Variants in LPP observed in about 807,000 individuals in gnomAD.
LPP encodes the protein LIM domain containing preferred translocation partner in lipoma.
LPP carries 38 observed loss-of-function variants against 60.4 expected under a neutral mutation model. That is an observed-to-expected ratio of 0.63 (90% CI 0.49 to 0.83). The LOEUF (loss-of-function observed/expected upper bound fraction) is 0.83, where lower values mean the gene tolerates loss of function less well. Ranked by LOEUF, LPP falls within the 40% of genes least tolerant of loss-of-function variation. The probability of loss-of-function intolerance (pLI) is 0.00; values close to 1 mark genes in which losing one functional copy is unlikely to be tolerated. For synonymous variants in LPP, 328 were observed against 290.8 expected (o/e 1.13, Z -1.30); for missense variants, 902 against 783.6 (o/e 1.15, Z -1.80).
intron 4 of LPP, among the ~76,000 whole-genome samples, chr3:188,448,616 A>G (rs1248234996): frequency 6.6e-6 from 1 of 152,156 alleles, no homozygotes; most frequent in Admixed American, 6.5e-5. Context: ...AGTTTTGCCT[A>G]GGACGTTCAG....
At chr3:188,785,693 G>A (rs148851435) in intron 9 of LPP, among the ~76,000 whole-genome samples, 6 of 151,332 alleles carry the variant, frequency 4.0e-5, no homozygotes, top group Non-Finnish European at 8.8e-5. Context: ...TATCTTTTTC[G>A]TATGACTTCT....
rs746549609 is a variant in LPP at position 188,881,825 on chromosome 3, T to A, written c.*7346T>A. ...TTAAATATTAACACTTTATAGGTTC[T>A]ACTTTAATATATGGACACTTTACAG... On this transcript the variant is annotated 3_prime_UTR_variant, in exon 12 of 12. Coordinates refer to ENST00000617246, the MANE Select transcript of LPP (RefSeq NM_001375462.1). The A allele has an allele frequency of 1.2e-4, 26 of 216,124 alleles. No homozygotes were observed. Among genetic ancestry groups the A allele is most frequent in the African/African-American group, 3.6e-4 (16 of 44,588 alleles). 13.4% of individuals were successfully genotyped at this position (216,124 alleles called of 1,614,324 possible).
At chr3:188,695,047 C>T (rs1006986174) in intron 7 of LPP, among the ~76,000 whole-genome samples, 4 of 152,122 alleles carry the variant, frequency 2.6e-5, no homozygotes, top group Admixed American at 1.3e-4. Context: ...CTTATTATCA[C>T]GGTAATCTTT....
chr3:188,327,777 T>C (rs969646370), intron 2 of LPP, among the ~76,000 whole-genome samples: 1 of 152,096 alleles, frequency 6.6e-6, no homozygotes, highest in African/African-American at 2.4e-5. Flanking sequence ...CCAAAGTAGA[T>C]TAGTGCTAGG....
At chr3:188,466,482 G>GT (rs1229215517) in intron 4 of LPP, among the ~76,000 whole-genome samples, 3 of 152,000 alleles carry the variant, frequency 2.0e-5, no homozygotes, top group African/African-American at 7.2e-5. Flanking sequence ...AATAAAGCTT[G>GT]TATCTTCTTT....
intron 7 of LPP, among the ~76,000 whole-genome samples, chr3:188,655,918 G>C (rs1254860650): frequency 1.3e-5 from 2 of 152,058 alleles, no homozygotes; most frequent in African/African-American, 4.8e-5. Flanking sequence ...GGCCAGTTGC[G>C]GTGGCTCACA....
Position 188,609,555 on chromosome 3 carries a change from A to G in LPP, c.824A>G (p.Tyr275Cys), listed in dbSNP as rs1843223225. 3.1e-6 allele frequency: 5 copies of G among 1,614,070 alleles called. No homozygotes were observed. In the East Asian group the frequency reaches 1.1e-4, roughly 36 times the overall value. ...ACACGGGGAGGCATGGATTATGCCT[A>G]CATTCCACCACCAGGACTTCAGCCG... ...PSTRGGMDYA[Y>C]IPPPGLQPEP... Residue 275 changes from tyrosine (Y) to cysteine (C), a missense_variant, in exon 7 of 12, where the codon TAC becomes TGC. Coordinates refer to ENST00000617246, the MANE Select transcript of LPP (RefSeq NM_001375462.1). This position sits in a 1 kb window ranked among gnomAD's most constrained non-coding sequence, Gnocchi z 6.9.
intron 7 of LPP, among the ~76,000 whole-genome samples, chr3:188,619,727 C>A (rs762284613): frequency 6.6e-6 from 1 of 152,130 alleles, no homozygotes; most frequent in Admixed American, 6.5e-5. Context: ...ATGGGAAGAA[C>A]GTCATGAAAT....
At chr3:188,301,946 T>G (rs949419708) in intron 2 of LPP, among the ~76,000 whole-genome samples, 3 of 150,772 alleles carry the variant, frequency 2.0e-5, no homozygotes, top group African/African-American at 7.4e-5. Context: ...TGTTAGCCAC[T>G]GTACCCAGCC....
chr3:188,835,201 G>A (rs1758104538), intron 9 of LPP, among the ~76,000 whole-genome samples: 1 of 151,494 alleles, frequency 6.6e-6, no homozygotes. Context: ...GCTCACTCCT[G>A]TAATCCTAGC....
chr3:188,831,777 A>G (rs924554823), intron 9 of LPP, among the ~76,000 whole-genome samples: 1 of 152,208 alleles, frequency 6.6e-6, no homozygotes, highest in African/African-American at 2.4e-5. Context: ...TCTGACTTTC[A>G]ATCAGCTCTC....
At chr3:188,393,588 A>G (rs1438668258) in intron 3 of LPP, among the ~76,000 whole-genome samples, 1 of 152,228 alleles carries the variant, frequency 6.6e-6, no homozygotes, top group Non-Finnish European at 1.5e-5. Flanking sequence ...GGCACTGTTA[A>G]TAATTACACC....
intron 7 of LPP, chr3:188,688,935 T>C: frequency 2.0e-6 from 1 of 502,718 alleles, no homozygotes; most frequent in Non-Finnish European, 4.0e-6. Context: ...TCTATTATTT[T>C]AACTTTGTTC....
chr3:188,823,615 G>A (rs1370621756), intron 9 of LPP, among the ~76,000 whole-genome samples: 1 of 151,984 alleles, frequency 6.6e-6, no homozygotes. Flanking sequence ...GCATTTTATG[G>A]CAATCTATAA....
chr3:188,743,269 A>G (rs551208640), intron 8 of LPP, among the ~76,000 whole-genome samples: 1 of 152,272 alleles, frequency 6.6e-6, no homozygotes, highest in South Asian at 2.1e-4. Context: ...ACAAGATCAT[A>G]CAGTAGGAGC....
intron 7 of LPP, among the ~76,000 whole-genome samples, chr3:188,702,017 T>A (rs977108752): frequency 2.1e-5 from 3 of 141,748 alleles, no homozygotes; most frequent in Admixed American, 7.4e-5. Flanking sequence ...TGATGTGATC[T>A]GGGCTCACTG....
At chr3:188,598,940 G>C (rs1057281773) in intron 6 of LPP, among the ~76,000 whole-genome samples, 3 of 152,068 alleles carry the variant, frequency 2.0e-5, no homozygotes, top group Admixed American at 2.0e-4. Context: ...TAAACCCCTG[G>C]CCTGATTGGA....
chr3:188,240,449 G>A (rs570645904), intron 2 of LPP, among the ~76,000 whole-genome samples: 1 of 151,788 alleles, frequency 6.6e-6, no homozygotes, highest in South Asian at 2.1e-4. Context: ...TTTGACAGTA[G>A]CAACTTCATA....
intron 2 of LPP, among the ~76,000 whole-genome samples, chr3:188,248,470 A>T (rs1308159190): frequency 8.5e-5 from 10 of 117,900 alleles, no homozygotes; most frequent in Non-Finnish European, 1.4e-4. Flanking sequence ...GTATAACTTT[A>T]TATATATATA....
Sources: gnomAD v4.1 joint callset for allele counts (sites outside exome capture counted in the v4.1 genomes callset) on GRCh38, gnomAD v4.1.1 for gene constraint, Gnocchi (gnomAD v3.1) non-coding constraint, MANE v1.5 for transcripts, NCBI Gene and HGNC (gene_info 2026-07-23, HGNC 2026-07-21) for gene names.